The following GPR158 variants were observed in gnomAD, a reference collection of about 807,000 sequenced individuals.
GPR158 encodes metabotropic glycine receptor.
In GPR158, 30 loss-of-function variants were observed where a neutral mutation model predicts 78.2. The ratio of observed to expected loss-of-function variants is 0.38; its 90% CI spans 0.29 to 0.52. The LOEUF is 0.52. GPR158 is among the 20% of genes least tolerant of loss of function. GPR158 has a pLI of 0.83. For synonymous variants in GPR158, 581 were observed against 591.1 expected, an observed-to-expected ratio of 0.98 and a Z score of 0.25; for missense variants, 1,463 against 1,523.5, an observed-to-expected ratio of 0.96 and a Z score of 0.66.
At chr10:25,267,337 A>G (rs2130739186) in intron 2 of GPR158, among the ~76,000 whole-genome samples, 1 of 152,266 alleles carries the variant, frequency 6.6e-6, no homozygotes, top group Admixed American at 6.6e-5. Context: ...ACATAGTGGC[A>G]GGAGAGAGAA....
chr10:25,225,921 C>A (rs913012195), intron 2 of GPR158, among the ~76,000 whole-genome samples: 4 of 152,092 alleles, frequency 2.6e-5, no homozygotes, highest in Non-Finnish European at 5.9e-5. Flanking sequence ...TGCAAAGATT[C>A]AAAGAAAGCA....
At chr10:25,196,879 G>C (rs1256438890) in intron 1 of GPR158, among the ~76,000 whole-genome samples, 8 of 152,176 alleles carry the variant, frequency 5.3e-5, no homozygotes, top group Admixed American at 4.6e-4. Flanking sequence ...GCCTGCTTTA[G>C]TTTCCACTCA....
At chr10:25,188,974 G>A (rs935358357) in intron 1 of GPR158, among the ~76,000 whole-genome samples, 5 of 152,094 alleles carry the variant, frequency 3.3e-5, no homozygotes, top group African/African-American at 1.2e-4. Context: ...GTGGGCAAAG[G>A]ACATGAATGG....
intron 2 of GPR158, among the ~76,000 whole-genome samples, chr10:25,340,763 C>G (rs1855291160): frequency 6.6e-6 from 1 of 151,836 alleles, no homozygotes; most frequent in Non-Finnish European, 1.5e-5. Flanking sequence ...TATGTGTTAC[C>G]GAGGTCCTAC....
intron 2 of GPR158, among the ~76,000 whole-genome samples, chr10:25,256,029 T>C (rs984308033): frequency 1.1e-4 from 16 of 152,318 alleles, no homozygotes; most frequent in African/African-American, 3.1e-4. Flanking sequence ...AACATTGGTT[T>C]AGAATTGAAG....
In GPR158 at chr10:25,176,061, C is replaced by A; in HGVS notation, c.641C>A (p.Ala214Asp). 6.2e-7 allele frequency: 1 copy of A among 1,605,952 alleles called. No individual in the cohort carries two copies. Among genetic ancestry groups the A allele is most frequent in the Non-Finnish European group, 8.5e-7 (1 of 1,176,786 alleles). ...QDLSSSAPHLANATLETEWFH... is the reference protein window; with the variant it reads ...QDLSSSAPHLDNATLETEWFH... The stretch of plus-strand genomic sequence containing the variant: ...CTGTCCTCCTCCGCACCCCACCTGG[C>A]CAACGCCACTCTGGAGACCGAGTGG... The change falls in exon 1 of 11, where the codon GCC becomes GAC. Residue 214 changes from alanine (A) to aspartate (D), a missense_variant. Coordinates refer to ENST00000376351, the MANE Select transcript of GPR158 (RefSeq NM_020752.3). This position sits in a 1 kb window ranked among gnomAD's most constrained non-coding sequence, Gnocchi z 6.3.
Position 25,296,406 on chromosome 10 carries a change from A to G in GPR158, c.1008+75249A>G, listed in dbSNP as rs542103238. On this transcript the variant is annotated intron_variant, in intron 2 of 10. Coordinates refer to ENST00000376351, the MANE Select transcript of GPR158 (RefSeq NM_020752.3). ...GCATCTGCTACAAGTAGCCAACCCT[A>G]TTAGATACCGTTTCACTTTTCATTA... 9.9e-5 allele frequency among the ~76,000 whole-genome samples: 15 copies of G among 152,238 alleles called. No homozygotes were observed. In the South Asian group the frequency reaches 2.7e-3, roughly 27 times the overall value.
chr10:25,409,892 T>C (rs1834562230), intron 3 of GPR158, among the ~76,000 whole-genome samples: 1 of 152,220 alleles, frequency 6.6e-6, no homozygotes, highest in Non-Finnish European at 1.5e-5. Flanking sequence ...AGAGCATTTA[T>C]TTAAATACTA....
At chr10:25,311,591 C>T (rs959089463) in intron 2 of GPR158, among the ~76,000 whole-genome samples, 1 of 151,800 alleles carries the variant, frequency 6.6e-6, no homozygotes, top group Non-Finnish European at 1.5e-5. Flanking sequence ...TCAGAAATTG[C>T]GAATTGAGAT....
At chr10:25,262,195 G>T (rs1339428233) in intron 2 of GPR158, among the ~76,000 whole-genome samples, 1 of 152,134 alleles carries the variant, frequency 6.6e-6, no homozygotes, top group Admixed American at 6.5e-5. Context: ...AACCAGGAAT[G>T]ATAGACTTCT....
At chr10:25,557,340 C>T (rs183401746) in intron 6 of GPR158, among the ~76,000 whole-genome samples, 32 of 152,342 alleles carry the variant, frequency 2.1e-4, no homozygotes, top group African/African-American at 7.0e-4. Context: ...TCTTCCTTGG[C>T]ATACTTGCAG....
intron 7 of GPR158, among the ~76,000 whole-genome samples, chr10:25,582,075 GA>G (rs974952675): frequency 6.6e-6 from 1 of 152,134 alleles, no homozygotes; most frequent in Non-Finnish European, 1.5e-5. Flanking sequence ...TAGTATGGGG[GA>G]AACCACCCTC....
At chr10:25,573,005 G>C in intron 7 of GPR158, 118 bp downstream of exon 7, 1 of 682,110 alleles carries the variant, frequency 1.5e-6, no homozygotes. Flanking sequence ...CACCTAATGT[G>C]ATTCTGGTAA....
At chr10:25,398,024 A>G (rs1266149861) in intron 3 of GPR158, among the ~76,000 whole-genome samples, 11 of 152,204 alleles carry the variant, frequency 7.2e-5, no homozygotes, top group Non-Finnish European at 1.6e-4. Context: ...CCCCACTAAT[A>G]GCCCATGAGA....
At chr10:25,339,899 T>C (rs1213687077) in intron 2 of GPR158, among the ~76,000 whole-genome samples, 1 of 152,128 alleles carries the variant, frequency 6.6e-6, no homozygotes, top group South Asian at 2.1e-4. Context: ...GCTGGGTTCA[T>C]TTTGCTTCGC....
intron 4 of GPR158, among the ~76,000 whole-genome samples, chr10:25,419,038 T>A (rs1304176002): frequency 1.3e-5 from 2 of 152,082 alleles, no homozygotes; most frequent in African/African-American, 4.8e-5. Context: ...AATGACTATT[T>A]TGGTAAAATA....
intron 2 of GPR158, among the ~76,000 whole-genome samples, chr10:25,314,882 T>TAA (rs940537387): frequency 8.2e-6 from 1 of 122,606 alleles, no homozygotes; most frequent in Non-Finnish European, 1.7e-5. Context: ...TATATATATA[T>TAA]ATATGACTAA....
At chr10:25,233,437 T>C (rs1588748372) in intron 2 of GPR158, among the ~76,000 whole-genome samples, 1 of 152,194 alleles carries the variant, frequency 6.6e-6, no homozygotes, top group Non-Finnish European at 1.5e-5. Flanking sequence ...GGAGATTCTA[T>C]TGAGTTGATT....
At chr10:25,448,341 T>C (rs544324047) in intron 4 of GPR158, among the ~76,000 whole-genome samples, 133 of 152,170 alleles carry the variant, frequency 8.7e-4, no homozygotes, top group African/African-American at 2.6e-3. Context: ...CTGCCCACCT[T>C]GGCCTCCCAA....
Sources: gnomAD v4.1 joint callset for allele counts (sites outside exome capture counted in the v4.1 genomes callset) on GRCh38, gnomAD v4.1.1 for gene constraint, Gnocchi (gnomAD v3.1) non-coding constraint, MANE v1.5 for transcripts, NCBI Gene and HGNC (gene_info 2026-07-23, HGNC 2026-07-21) for gene names.